The following TMEM47 variants were observed in gnomAD, a reference collection of about 807,000 sequenced individuals.
TMEM47 encodes transmembrane protein 47.
In TMEM47, 3 loss-of-function variants were observed where a neutral mutation model predicts 12.4. The ratio of observed to expected loss-of-function variants is 0.24; its 90% CI spans 0.11 to 0.63. The LOEUF is 0.63. Among genes scored for constraint, TMEM47 ranks in the 20% least tolerant of loss-of-function variants. The pLI is 0.86. For missense variants in TMEM47, 89 were observed against 143.8 expected, an observed-to-expected ratio of 0.62 and a Z score of 1.95; for synonymous variants, 62 against 63.3, an observed-to-expected ratio of 0.98 and a Z score of 0.10.
intron 1 of TMEM47, among the ~76,000 whole-genome samples, chrX:34,641,942 C>T (rs749181884): frequency 2.7e-5 from 3 of 112,344 alleles, no homozygotes; most frequent in African/African-American, 9.7e-5. Context: ...CTGCAACCTC[C>T]GTCTCCCGGG....
At chrX:34,636,073 C>T (rs983075496) in intron 2 of TMEM47, among the ~76,000 whole-genome samples, 1 of 111,800 alleles carries the variant, frequency 8.9e-6, no homozygotes, top group Non-Finnish European at 1.9e-5. Context: ...TTGTTCTAGC[C>T]GAAGTGTAGT....
intron 1 of TMEM47, among the ~76,000 whole-genome samples, chrX:34,650,324 A>T (rs1797579457): frequency 8.9e-6 from 1 of 111,832 alleles, no homozygotes; most frequent in Non-Finnish European, 1.9e-5. Context: ...GTTATCTACA[A>T]TATTACAGAA....
rs1350868241 is a variant in TMEM47, at chrX:34,628,751, T to C, written c.*1562A>G. On this transcript the variant is annotated 3_prime_UTR_variant, in exon 3 of 3. Transcript: ENST00000275954. The stretch of plus-strand genomic sequence containing the variant: ...CTGCAAGAGGGCCAAAACCAGAACA[T>C]ACTGTTTTAGTGTCTTTGTTAACAA... 1.8e-5 allele frequency: 2 copies of C among 112,017 alleles called. No individual in the cohort carries two copies. The highest frequency in any genetic ancestry group is 3.8e-5 in the Non-Finnish European group (2 of 53,099). 9.2% of individuals were successfully genotyped at this position (112,017 alleles called of 1,213,427 possible).
In TMEM47 at chrX:34,628,648, A is replaced by C. The variant is rs1168047929; in HGVS notation, c.*1665T>G. 1.8e-5 allele frequency: 2 copies of C among 110,368 alleles called. No homozygotes were observed. Among genetic ancestry groups the C allele is most frequent in the Non-Finnish European group, 3.8e-5 (2 of 52,728 alleles). The allele number at this position is 110,368 out of a possible 1,213,427, so 9.1% of individuals were successfully genotyped here. A position where few individuals can be genotyped will look rare whatever the true frequency, so the allele number is the denominator to read the frequency against. On this transcript the variant is annotated 3_prime_UTR_variant, in exon 3 of 3. Coordinates refer to ENST00000275954, the MANE Select transcript of TMEM47 (RefSeq NM_031442.4). Reference sequence around the variant, plus strand: ...TAAAACAAATTATTAAATACTATCGATGTGGTCCTGCTCTTAACAGATTTT... The same window carrying C: ...TAAAACAAATTATTAAATACTATCGCTGTGGTCCTGCTCTTAACAGATTTT...
rs2147135187 is a variant in TMEM47 at position 34,627,892 on chromosome X, T to A, written c.*2421A>T. On this transcript the variant is annotated 3_prime_UTR_variant, in exon 3 of 3. Transcript: ENST00000275954. Reference sequence around the variant, plus strand: ...AGAAGCAACAATTTTCATGTTGTACTGAGATTGTTAGTAATGAAATACTTC... The same window carrying A: ...AGAAGCAACAATTTTCATGTTGTACAGAGATTGTTAGTAATGAAATACTTC... The A allele has an allele frequency of 8.9e-6, 1 of 112,310 alleles. No homozygotes were observed. Among genetic ancestry groups the A allele is most frequent in the South Asian group, 3.7e-4 (1 of 2,672 alleles). 9.3% of individuals were successfully genotyped at this position (112,310 alleles called of 1,213,427 possible).
intron 2 of TMEM47, among the ~76,000 whole-genome samples, chrX:34,631,490 A>G (rs993995829): frequency 2.7e-5 from 3 of 111,625 alleles, no homozygotes; most frequent in African/African-American, 9.8e-5. Flanking sequence ...TTAACAGATG[A>G]TATTTTCATA....
chrX:34,650,327 T>C lies in TMEM47; in HGVS notation c.226+6477A>G, dbSNP rs142006958. 3.8e-3 allele frequency among the ~76,000 whole-genome samples: 427 copies of C among 111,822 alleles called. 2 individuals carry two copies. The highest frequency in any genetic ancestry group is 0.013 in the African/African-American group (404 of 30,825). ...CACCAAGTGACAGTTATCTACAATA[T>C]TACAGAACATTTTAAAAACCAACCC... On this transcript the variant is annotated intron_variant, in intron 1 of 2. Coordinates refer to ENST00000275954, the MANE Select transcript of TMEM47 (RefSeq NM_031442.4).
intron 2 of TMEM47, among the ~76,000 whole-genome samples, chrX:34,637,406 C>A (rs1233633596): frequency 1.8e-5 from 2 of 110,895 alleles, no homozygotes; most frequent in East Asian, 5.7e-4. Context: ...TCAGTAAAAA[C>A]CCTTAGAGTA....
At chrX:34,630,668 TA>T (rs1921600883) in intron 2 of TMEM47, among the ~76,000 whole-genome samples, 177 bp from the exon 3 acceptor site, 1 of 110,958 alleles carries the variant, frequency 9.0e-6, no homozygotes, top group Non-Finnish European at 1.9e-5. Context: ...TTTTTTTGTT[TA>T]AATACCTTTT....
At chrX:34,639,512 TG>T in intron 1 of TMEM47, 125 bp from the exon 2 acceptor site, 1 of 709,547 alleles carries the variant, frequency 1.4e-6, no homozygotes, top group Non-Finnish European at 2.0e-6. Context: ...AAGCATCCTT[TG>T]GGGTTTGAAA....
intron 1 of TMEM47, among the ~76,000 whole-genome samples, chrX:34,642,102 C>T (rs901042689): frequency 1.8e-5 from 2 of 112,482 alleles, no homozygotes; most frequent in African/African-American, 3.2e-5. Flanking sequence ...AGTGATCCAC[C>T]CGCCTCGGCC....
chrX:34,648,048 A>G (rs1238936130), intron 1 of TMEM47, among the ~76,000 whole-genome samples: 2 of 111,847 alleles, frequency 1.8e-5, no homozygotes, highest in Non-Finnish European at 3.8e-5. Flanking sequence ...AAAGCACAGA[A>G]GACATAAACA....
In TMEM47 at chrX:34,644,098, G is replaced by GA. The variant is rs778506899; in HGVS notation, c.227-4712dup. Reference sequence around the variant, plus strand: ...TATAACAGGAAAAAAAAAGTAAAAAGAAAAAAAAACTCCAGGAAAATACAT... The same window carrying GA: ...TATAACAGGAAAAAAAAAGTAAAAAGAAAAAAAAAACTCCAGGAAAATACAT... On this transcript the variant is annotated intron_variant, in intron 1 of 2. Coordinates refer to ENST00000275954, the MANE Select transcript of TMEM47 (RefSeq NM_031442.4). Among the ~76,000 whole-genome samples, 7 of 108,368 alleles carry GA rather than the reference G, an allele frequency of 6.5e-5. No individual in the cohort carries two copies. In the South Asian group the frequency reaches 2.5e-3, roughly 38 times the overall value. 94.1% of individuals were successfully genotyped at this position (108,368 alleles called of 115,157 possible).
intron 1 of TMEM47, among the ~76,000 whole-genome samples, chrX:34,650,772 CTAAACCAAAGATTTTGGAAGGTTT>C (rs1464405017): frequency 8.9e-6 from 1 of 111,992 alleles, no homozygotes; most frequent in Non-Finnish European, 1.9e-5. Flanking sequence ...TTGTTTGAGA[CTAAACCAAAGATTTTGGAAGGTTT>C]TACATGTATC....
intron 2 of TMEM47, among the ~76,000 whole-genome samples, chrX:34,632,999 C>G (rs750402125): frequency 7.2e-5 from 8 of 110,903 alleles, no homozygotes; most frequent in Admixed American, 5.8e-4. Flanking sequence ...ACTCTGTTCA[C>G]TCGTCAAATC....
rs1921548035 is a variant in TMEM47 at position 34,628,420 on chromosome X, G to T, written c.*1893C>A. ...TTATAGAATCATATATTTTTATAAA[G>T]GTTTCTGTCTGTGATGTATTTATTC... is the stretch of plus-strand genomic sequence containing the variant. On this transcript the variant is annotated 3_prime_UTR_variant, in exon 3 of 3. Transcript: ENST00000275954. 8.9e-6 allele frequency: 1 copy of T among 111,782 alleles called. No individual in the cohort carries two copies. The highest frequency in any genetic ancestry group is 1.9e-5 in the Non-Finnish European group (1 of 53,020). 9.2% of individuals were successfully genotyped at this position (111,782 alleles called of 1,213,427 possible). A position where few individuals can be genotyped will look rare whatever the true frequency, so the allele number is the denominator to read the frequency against.
At chrX:34,648,729 C>T (rs909364943) in intron 1 of TMEM47, among the ~76,000 whole-genome samples, 2 of 111,835 alleles carry the variant, frequency 1.8e-5, no homozygotes, top group African/African-American at 6.5e-5. Flanking sequence ...AGCTTCTGCA[C>T]AGCAAATGAA....
intron 1 of TMEM47, among the ~76,000 whole-genome samples, chrX:34,643,005 G>A (rs1162868877): frequency 9.0e-6 from 1 of 111,613 alleles, no homozygotes; most frequent in Non-Finnish European, 1.9e-5. Context: ...GGTCTGAGGT[G>A]CATTTCAAGG....
At chrX:34,649,133 T>C (rs1008664957) in intron 1 of TMEM47, among the ~76,000 whole-genome samples, 1 of 111,539 alleles carries the variant, frequency 9.0e-6, no homozygotes, top group Non-Finnish European at 1.9e-5. Flanking sequence ...TGGAAAGCAG[T>C]ACAGTATGGT....
Sources: allele counts gnomAD v4.1 joint callset (sites outside exome capture counted in the v4.1 genomes callset), GRCh38; gene constraint gnomAD v4.1.1; transcripts MANE v1.5; gene names NCBI Gene and HGNC (gene_info 2026-07-23, HGNC 2026-07-21).